The following CSMD2 variants were observed in gnomAD, a reference collection of about 807,000 sequenced individuals.
CSMD2 encodes the protein CUB and Sushi multiple domains 2.
In CSMD2, 130 loss-of-function variants were observed where a neutral mutation model predicts 398.5. That is an observed-to-expected ratio of 0.33 (90% CI 0.28 to 0.38). The LOEUF (loss-of-function observed/expected upper bound fraction) is 0.38. Ranked by LOEUF, CSMD2 falls within the 10% of genes least tolerant of loss-of-function variation. The pLI is 1.00. For missense variants in CSMD2, 3,829 were observed against 4,764.9 expected (o/e 0.80, Z 5.78); for synonymous variants, 1,828 against 1,908.5 (o/e 0.96, Z 1.10).
In CSMD2 at chr1:34,164,825, G is replaced by C; in HGVS notation, c.187+86C>G. ...AGGCAGGGATAGAGGCGGGGGGAGG[G>C]ACTGGGACCGGGTCGAGGATGGGTG... On this transcript the variant is annotated intron_variant, in intron 1 of 70. Transcript: ENST00000373381. This position sits in a 1 kb window ranked among gnomAD's most constrained non-coding sequence, Gnocchi z 6.2. 9.6e-7 allele frequency: 1 copy of C among 1,038,898 alleles called. No homozygotes were observed. The highest frequency in any genetic ancestry group is 1.2e-6 in the Non-Finnish European group (1 of 842,390). The allele number at this position is 1,038,898 out of a possible 1,614,324, so 64.4% of individuals were successfully genotyped here. A position where few individuals can be genotyped will look rare whatever the true frequency, so the allele number is the denominator to read the frequency against.
chr1:33,649,270 G>A (rs1557674731), intron 28 of CSMD2, among the ~76,000 whole-genome samples: 1 of 152,212 alleles, frequency 6.6e-6, no homozygotes, highest in Non-Finnish European at 1.5e-5. Context: ...GATACAGCAA[G>A]TCCTCAGCAT....
chr1:34,076,093 C>T (rs918983029), intron 2 of CSMD2, among the ~76,000 whole-genome samples: 2 of 152,190 alleles, frequency 1.3e-5, no homozygotes, highest in Non-Finnish European at 1.5e-5. Flanking sequence ...AAGGAGATGG[C>T]TATGAACTCC....
intron 32 of CSMD2, among the ~76,000 whole-genome samples, chr1:33,632,485 C>T (rs908917257): frequency 2.3e-4 from 35 of 152,018 alleles, no homozygotes; most frequent in African/African-American, 8.4e-4. Context: ...ATAAAAAATG[C>T]ACAGGCCAAT....
At chr1:33,626,968 T>A (rs914896924) in intron 32 of CSMD2, among the ~76,000 whole-genome samples, 12 of 152,016 alleles carry the variant, frequency 7.9e-5, no homozygotes, top group African/African-American at 2.7e-4. Flanking sequence ...GACTGGTGGT[T>A]TACTTGGAAA....
intron 35 of CSMD2, 125 bp from the exon 36 acceptor site, chr1:33,623,591 T>C: frequency 2.9e-6 from 2 of 698,246 alleles, no homozygotes; most frequent in Non-Finnish European, 5.1e-6. Context: ...GGCCTAACAC[T>C]GTGCTAGTCC....
intron 3 of CSMD2, among the ~76,000 whole-genome samples, chr1:33,990,531 C>T (rs1438193640): frequency 2.0e-5 from 3 of 152,150 alleles, no homozygotes; most frequent in Admixed American, 6.5e-5. Flanking sequence ...TTCTGATAGG[C>T]CTATCTCCTC....
chr1:33,603,869 A>ACAACAT (rs1248983730), intron 42 of CSMD2, among the ~76,000 whole-genome samples: 1 of 152,252 alleles, frequency 6.6e-6, no homozygotes, highest in African/African-American at 2.4e-5. Context: ...TGGGAAAGGA[A>ACAACAT]CAACATATGC....
intron 1 of CSMD2, among the ~76,000 whole-genome samples, chr1:34,151,105 T>C (rs1640275150): frequency 6.6e-6 from 1 of 152,198 alleles, no homozygotes; most frequent in South Asian, 2.1e-4. Flanking sequence ...GAATCCCTGC[T>C]CACTTTTGAA....
intron 48 of CSMD2, 72 bp from the exon 49 acceptor site, chr1:33,577,556 T>C: frequency 7.7e-7 from 1 of 1,303,518 alleles, no homozygotes; most frequent in Non-Finnish European, 1.0e-6. Flanking sequence ...TGCAGGCCCC[T>C]TTCCCTTTCG....
intron 25 of CSMD2, among the ~76,000 whole-genome samples, chr1:33,688,527 A>T (rs908354548): frequency 1.3e-5 from 2 of 152,134 alleles, no homozygotes; most frequent in Admixed American, 6.5e-5. Flanking sequence ...TTTGAATTTT[A>T]AAAAAATGAT....
At chr1:33,718,854 AT>A (rs1264767951) in intron 19 of CSMD2, among the ~76,000 whole-genome samples, 1 of 152,202 alleles carries the variant, frequency 6.6e-6, no homozygotes, top group African/African-American at 2.4e-5. Context: ...ATCCTGGAGG[AT>A]TTGGGCTTCT....
chr1:33,933,192 G>A (rs1033854097), intron 4 of CSMD2, among the ~76,000 whole-genome samples: 2 of 152,174 alleles, frequency 1.3e-5, no homozygotes, highest in African/African-American at 4.8e-5. Context: ...TTGTCTTTTG[G>A]AGAAGTAGGG....
At chr1:33,785,285 T>C (rs1255289538) in intron 12 of CSMD2, among the ~76,000 whole-genome samples, 1 of 152,254 alleles carries the variant, frequency 6.6e-6, no homozygotes, top group Admixed American at 6.5e-5. Flanking sequence ...TGACATGGAA[T>C]CCAGGCTCAT....
chr1:33,715,009 G>A (rs1005699410), intron 20 of CSMD2, among the ~76,000 whole-genome samples: 1 of 152,134 alleles, frequency 6.6e-6, no homozygotes, highest in Admixed American at 6.5e-5. Flanking sequence ...GGGAGGCAGA[G>A]GCAGAGAGAA....
intron 44 of CSMD2, among the ~76,000 whole-genome samples, chr1:33,593,660 G>C (rs138258668): frequency 2.0e-5 from 3 of 152,126 alleles, no homozygotes; most frequent in African/African-American, 7.2e-5. Context: ...ATGAGATTTG[G>C]GTGGAGATAC....
intron 2 of CSMD2, among the ~76,000 whole-genome samples, chr1:34,051,128 G>A (rs746467723): frequency 2.0e-5 from 3 of 152,164 alleles, no homozygotes; most frequent in Non-Finnish European, 1.5e-5. Flanking sequence ...GATTATGTCT[G>A]GAATAAAGAA....
intron 12 of CSMD2, among the ~76,000 whole-genome samples, chr1:33,777,814 T>C (rs1652199125): frequency 6.6e-6 from 1 of 152,172 alleles, no homozygotes; most frequent in Non-Finnish European, 1.5e-5. Context: ...TCATCTGTGA[T>C]CAATCTCACT....
intron 1 of CSMD2, among the ~76,000 whole-genome samples, chr1:34,104,883 G>C (rs1660374493): frequency 6.6e-6 from 1 of 152,202 alleles, no homozygotes; most frequent in South Asian, 2.1e-4. Flanking sequence ...TGCACAGCAT[G>C]TGCCTCAGTC....
intron 4 of CSMD2, among the ~76,000 whole-genome samples, chr1:33,933,491 G>T (rs1417504965): frequency 6.6e-6 from 1 of 152,176 alleles, no homozygotes; most frequent in Non-Finnish European, 1.5e-5. Context: ...AAAAGAAAAA[G>T]AACTGCAGTT....
Sources: allele counts gnomAD v4.1 joint callset (sites outside exome capture counted in the v4.1 genomes callset), GRCh38; gene constraint gnomAD v4.1.1; non-coding constraint Gnocchi (gnomAD v3.1); transcripts MANE v1.5; gene names NCBI Gene and HGNC (gene_info 2026-07-23, HGNC 2026-07-21).